The following CABLES1 variants were observed in gnomAD, a reference collection of about 807,000 sequenced individuals.
CABLES1 encodes the protein Cdk5 and Abl enzyme substrate 1.
Under a neutral mutation model 57.8 loss-of-function variants are expected in CABLES1, and 36 were observed. The observed-to-expected ratio is 0.62, with a 90% CI of 0.48 to 0.82. The LOEUF (loss-of-function observed/expected upper bound fraction) is 0.82. Ranked by LOEUF, CABLES1 falls within the 40% of genes least tolerant of loss-of-function variation. The probability of loss-of-function intolerance (pLI) is 0.00; values close to 1 mark genes in which losing one functional copy is unlikely to be tolerated. For synonymous variants in CABLES1, 374 were observed against 363.0 expected (o/e 1.03, Z -0.35); for missense variants, 767 against 836.6 (o/e 0.92, Z 1.03).
Position 23,136,286 on chromosome 18 carries a change from C to G in CABLES1, c.524C>G (p.Ala175Gly). Reference sequence around the variant, plus strand: ...GCGAGTCCCCTGGGCGCCGGCCGGGCGTCGGGGGAGCAGTGGCAGCCGCCC... The same window carrying G: ...GCGAGTCCCCTGGGCGCCGGCCGGGGGTCGGGGGAGCAGTGGCAGCCGCCC... ...GFASPLGAGR[A>G]SGEQWQPPRP... Residue 175 changes from alanine (A) to glycine (G), a missense_variant, in exon 1 of 10, where the codon GCG (alanine) becomes GGG (glycine). Coordinates refer to ENST00000256925, the MANE Select transcript of CABLES1 (RefSeq NM_001100619.3). The G allele has an allele frequency of 7.3e-7, 1 of 1,372,388 alleles. No homozygotes were observed. Among genetic ancestry groups the G allele is most frequent in the East Asian group, 3.1e-5 (1 of 32,552 alleles). 85.0% of individuals were successfully genotyped at this position (1,372,388 alleles called of 1,614,324 possible).
intron 4 of CABLES1, among the ~76,000 whole-genome samples, chr18:23,222,792 A>G (rs2047498684): frequency 6.6e-6 from 1 of 152,148 alleles, no homozygotes; most frequent in African/African-American, 2.4e-5. Context: ...AGGTGCTAAC[A>G]CGGATGAGCT....
intron 4 of CABLES1, among the ~76,000 whole-genome samples, chr18:23,215,395 T>C (rs78164158): frequency 0.031 from 4,678 of 152,272 alleles, 89 homozygotes; most frequent in East Asian, 0.053. Flanking sequence ...TAATTCATCT[T>C]ATTACAAGTA....
intron 1 of CABLES1, chr18:23,150,073 C>T (rs112221439): frequency 6.6e-6 from 1 of 152,296 alleles, no homozygotes; most frequent in Non-Finnish European, 1.5e-5. Flanking sequence ...TGGTGAACTT[C>T]TAGGCTTGGC....
chr18:23,169,890 G>A (rs1388146533), intron 1 of CABLES1, among the ~76,000 whole-genome samples: 3 of 152,110 alleles, frequency 2.0e-5, no homozygotes, highest in East Asian at 1.9e-4. Context: ...CGTGTTTCCC[G>A]TAATTGGAGT....
rs2046963503 is a variant in CABLES1 at position 23,156,050 on chromosome 18, T to A, written c.845+19443T>A. ...TGACGGTCTTTGTTGGAAATTGATCTCTGAGGCTCAGCCTGGAAAAGCGGG... is the reference window on the plus strand; with the variant it reads ...TGACGGTCTTTGTTGGAAATTGATCACTGAGGCTCAGCCTGGAAAAGCGGG... On this transcript the variant is annotated intron_variant, in intron 1 of 9. Coordinates refer to ENST00000256925, the MANE Select transcript of CABLES1 (RefSeq NM_001100619.3). 12 of 1,391,634 alleles carry A rather than the reference T, an allele frequency of 8.6e-6. No individual in the cohort carries two copies. The South Asian group carries it at 1.4e-4, about 16-fold the overall frequency. 86.2% of individuals were successfully genotyped at this position (1,391,634 alleles called of 1,614,324 possible).
Position 23,135,869 on chromosome 18 carries a change from A to C in CABLES1, c.107A>C (p.Gln36Pro). 9.8e-7 allele frequency: 1 copy of C among 1,021,558 alleles called. No individual in the cohort carries two copies. The highest frequency in any genetic ancestry group is 1.8e-5 in the African/African-American group (1 of 56,732). The allele number at this position is 1,021,558 out of a possible 1,614,324, so 63.3% of individuals were successfully genotyped here. A position where few individuals can be genotyped will look rare whatever the true frequency, so the allele number is the denominator to read the frequency against. ...TTGCAGCAGCCGCCGCCGCAGCCCC[A>C]GCCTCAGCCCGCGGCCGCCGCGCCG... ...SGLQQPPPQP[Q>P]PQPAAAAPAQ... Residue 36 changes from glutamine (Q) to proline (P), a missense_variant, in exon 1 of 10, where the codon CAG becomes CCG. By Grantham distance (76) the Gln-to-Pro change is moderately conservative (BLOSUM62 -1). Around this residue, in one of 4 missense-constraint regions of CABLES1, gnomAD observed 198 missense variants for 149.7 expected, o/e 1.32. Coordinates refer to ENST00000256925, the MANE Select transcript of CABLES1 (RefSeq NM_001100619.3).
intron 4 of CABLES1, among the ~76,000 whole-genome samples, chr18:23,218,034 A>G (rs1379773721): frequency 2.0e-5 from 3 of 152,204 alleles, no homozygotes; most frequent in African/African-American, 7.2e-5. Context: ...CATGGGCCTG[A>G]TTATTCCAAA....
At chr18:23,143,927 G>T (rs2046874700) in intron 1 of CABLES1, among the ~76,000 whole-genome samples, 1 of 152,158 alleles carries the variant, frequency 6.6e-6, no homozygotes, top group Non-Finnish European at 1.5e-5. Context: ...GTTGGCTTGG[G>T]TCCTGGTTGC....
intron 1 of CABLES1, among the ~76,000 whole-genome samples, chr18:23,183,334 C>T (rs146276411): frequency 6.6e-6 from 1 of 152,230 alleles, no homozygotes; most frequent in East Asian, 1.9e-4. Context: ...TGTGACCAGC[C>T]CTGCGTCCCG....
At chr18:23,173,729 G>C (rs527666094) in intron 1 of CABLES1, among the ~76,000 whole-genome samples, 1 of 152,206 alleles carries the variant, frequency 6.6e-6, no homozygotes, top group Non-Finnish European at 1.5e-5. Flanking sequence ...CTGGGAGGTC[G>C]AGGTGGGTGG....
chr18:23,186,672 T>C (rs1370885672), intron 1 of CABLES1, among the ~76,000 whole-genome samples: 1 of 152,148 alleles, frequency 6.6e-6, no homozygotes, highest in East Asian at 1.9e-4. Context: ...TCCACCCACC[T>C]CGGCCTCCCA....
intron 4 of CABLES1, chr18:23,227,030 TG>T (rs1413616680): frequency 2.6e-5 from 4 of 152,200 alleles, no homozygotes; most frequent in African/African-American, 9.7e-5. Flanking sequence ...CCAGTGGAGT[TG>T]CAAGGTGCCT....
intron 8 of CABLES1, among the ~76,000 whole-genome samples, chr18:23,253,345 T>C (rs1162186519): frequency 3.3e-5 from 5 of 152,076 alleles, no homozygotes; most frequent in South Asian, 4.1e-4. Context: ...TAGCCAGGCA[T>C]GGTGGTGCAC....
intron 5 of CABLES1, among the ~76,000 whole-genome samples, chr18:23,235,124 G>A (rs920744791): frequency 1.3e-5 from 2 of 152,206 alleles, no homozygotes; most frequent in Admixed American, 1.3e-4. Context: ...CAGAGCCCCA[G>A]GGCGGTCACA....
At chr18:23,252,657 A>C (rs527646996) in intron 7 of CABLES1, among the ~76,000 whole-genome samples, 9 of 152,318 alleles carry the variant, frequency 5.9e-5, no homozygotes, top group Non-Finnish European at 1.3e-4. Context: ...CCGTGTGAAC[A>C]GGCTGACACC....
At chr18:23,219,377 T>C in intron 4 of CABLES1, 2 of 453,138 alleles carry the variant, frequency 4.4e-6, no homozygotes, top group South Asian at 1.6e-5. Context: ...GATGGCAGGA[T>C]CCGATGTAGT....
chr18:23,204,618 T>G (rs1010246658), intron 3 of CABLES1: 4 of 152,560 alleles, frequency 2.6e-5, no homozygotes, highest in African/African-American at 7.2e-5. Context: ...CGCTGCTGAT[T>G]CGTCTGTTCT....
chr18:23,161,480 T>C (rs576788683), intron 1 of CABLES1, among the ~76,000 whole-genome samples: 12 of 151,080 alleles, frequency 7.9e-5, no homozygotes, highest in Admixed American at 2.6e-4. Context: ...CTTGCATCCA[T>C]CCCTCCCATA....
chr18:23,175,974 G>GT (rs1568054402), intron 1 of CABLES1, among the ~76,000 whole-genome samples: 1 of 152,198 alleles, frequency 6.6e-6, no homozygotes, highest in African/African-American at 2.4e-5. Flanking sequence ...CAATCTACAA[G>GT]TATTTAGATA....
Sources: allele counts gnomAD v4.1 joint callset (sites outside exome capture counted in the v4.1 genomes callset), GRCh38; gene constraint gnomAD v4.1.1; regional missense constraint gnomAD v4.1.1; transcripts MANE v1.5; gene names NCBI Gene and HGNC (gene_info 2026-07-23, HGNC 2026-07-21).